RANBP10: variants seen among roughly 807,000 people sequenced by gnomAD.
The protein encoded by RANBP10 is RAN binding protein 10, also known as ran-binding protein 10.
In RANBP10, 24 loss-of-function variants were observed where a neutral mutation model predicts 72.8. The ratio of observed to expected loss-of-function variants is 0.33; its 90% CI spans 0.24 to 0.46. The LOEUF is 0.46. RANBP10 is among the 20% of genes least tolerant of loss of function. RANBP10 has a pLI of 1.00. For missense variants in RANBP10, 679 were observed against 817.5 expected, an observed-to-expected ratio of 0.83 and a Z score of 2.07; for synonymous variants, 310 against 322.3, an observed-to-expected ratio of 0.96 and a Z score of 0.41.
chr16:67,783,595 A>G (rs1196393497), intron 2 of RANBP10, among the ~76,000 whole-genome samples: 1 of 152,174 alleles, frequency 6.6e-6, no homozygotes, highest in African/African-American at 2.4e-5. Context: ...TTATTAGAGG[A>G]GGAAAGGTTA....
At position 67,798,987 on chromosome 16, in the gene RANBP10, G is replaced by A. The variant is rs149401744; in HGVS notation, c.347+6441C>T. Among the ~76,000 whole-genome samples, 719 of 152,236 alleles carry A rather than the reference G, an allele frequency of 4.7e-3. 8 individuals are homozygous for A. The highest frequency in any genetic ancestry group is 5.9e-3 in the Non-Finnish European group (402 of 68,022). Reference sequence around the variant, plus strand: ...GTCACCCAGGCTGGAGAGCAGTGGCGTGATCTCGGCTCACTGCAACCTTCA... The same window carrying A: ...GTCACCCAGGCTGGAGAGCAGTGGCATGATCTCGGCTCACTGCAACCTTCA... On this transcript the variant is annotated intron_variant, in intron 2 of 13. Coordinates refer to ENST00000317506, the MANE Select transcript of RANBP10 (RefSeq NM_020850.3).
chr16:67,792,455 G>C (rs1287354540), intron 2 of RANBP10, among the ~76,000 whole-genome samples: 1 of 151,916 alleles, frequency 6.6e-6, no homozygotes, highest in South Asian at 2.1e-4. Context: ...CCAGCTACTT[G>C]GGAGGCTGAG....
intron 2 of RANBP10, among the ~76,000 whole-genome samples, chr16:67,795,649 C>T (rs990379906): frequency 9.9e-5 from 15 of 151,624 alleles, no homozygotes; most frequent in African/African-American, 3.4e-4. Flanking sequence ...GGGTGGATCA[C>T]GAGGTCAGGA....
chr16:67,765,222 A>T (rs979146196), intron 3 of RANBP10, among the ~76,000 whole-genome samples: 5 of 150,888 alleles, frequency 3.3e-5, no homozygotes, highest in African/African-American at 9.7e-5. Flanking sequence ...AAAAAAAAAA[A>T]AAAAAACATT....
At position 67,727,343 on chromosome 16, in the gene RANBP10, G is replaced by T. The variant is rs2053621805; in HGVS notation, c.1716C>A (p.Leu572=). 1.3e-5 allele frequency: 21 copies of T among 1,612,084 alleles called. No individual in the cohort carries two copies. The highest frequency in any genetic ancestry group is 1.5e-5 in the Non-Finnish European group (18 of 1,179,476). The change falls in exon 13 of 14, where the codon CTC becomes CTA. Residue 572 remains leucine, a synonymous_variant. Transcript: ENST00000317506. ...PIQREPVCAA[L]NSAILESQNL... is the part of the protein sequence containing the mutation. ...TTCACTCACCTAAAATGGCGCTGTT[G>T]AGGGCAGCACACACAGGTTCCCTCT...
intron 2 of RANBP10, among the ~76,000 whole-genome samples, chr16:67,802,789 T>G (rs759824642): frequency 1.3e-5 from 2 of 152,134 alleles, no homozygotes; most frequent in Non-Finnish European, 2.9e-5. Flanking sequence ...CACAGCAAGA[T>G]CGACTAAAAC....
chr16:67,781,557 T>TA lies in RANBP10; in HGVS notation c.348-9472dup, dbSNP rs148802546. Among the ~76,000 whole-genome samples the TA allele has an allele frequency of 4.0e-3, 606 of 152,168 alleles. 7 individuals carry two copies. The highest frequency in any genetic ancestry group is 0.013 in the African/African-American group (555 of 41,520). On this transcript the variant is annotated intron_variant, in intron 2 of 13. Coordinates refer to ENST00000317506, the MANE Select transcript of RANBP10 (RefSeq NM_020850.3). ...CGCTATGACACAGGTGAAAGTAAGG[T>TA]AAAGCCATCTGATTTACTCCTTTCT...
At chr16:67,788,174 G>A (rs969922955) in intron 2 of RANBP10, among the ~76,000 whole-genome samples, 1 of 151,882 alleles carries the variant, frequency 6.6e-6, no homozygotes, top group Non-Finnish European at 1.5e-5. Context: ...CAAGTAGCTG[G>A]AACTTTGATT....
At chr16:67,758,914 C>T (rs1291110988) in intron 3 of RANBP10, among the ~76,000 whole-genome samples, 1 of 152,242 alleles carries the variant, frequency 6.6e-6, no homozygotes, top group Non-Finnish European at 1.5e-5. Context: ...CGGGGTGATA[C>T]AGGTCTCCTG....
At chr16:67,770,505 T>C (rs1207814648) in intron 3 of RANBP10, among the ~76,000 whole-genome samples, 1 of 152,082 alleles carries the variant, frequency 6.6e-6, no homozygotes, top group Non-Finnish European at 1.5e-5. Context: ...TGTAACTCCC[T>C]GTTTGGGGAA....
chr16:67,763,833 T>C (rs1370421241), intron 3 of RANBP10, among the ~76,000 whole-genome samples: 3 of 152,230 alleles, frequency 2.0e-5, no homozygotes, highest in Admixed American at 6.5e-5. Flanking sequence ...TAGCTAGGAC[T>C]GTAGGCGCAC....
At chr16:67,727,476 C>A in intron 12 of RANBP10, 38 bp from the exon 13 acceptor site, 1 of 1,556,308 alleles carries the variant, frequency 6.4e-7, no homozygotes, top group Non-Finnish European at 8.8e-7. Flanking sequence ...CTGTGGCACA[C>A]ACCATAGCTC....
Position 67,727,037 on chromosome 16 carries a change from G to C in RANBP10, c.1732+290C>G, listed in dbSNP as rs540383918. Among the ~76,000 whole-genome samples, 6 of 152,344 alleles carry C rather than the reference G, an allele frequency of 3.9e-5. No homozygotes were observed. The South Asian group carries it at 1.2e-3, about 32-fold the overall frequency. Reference sequence around the variant, plus strand: ...AGGCCAGGCATGGTGGCTCACACCTGTAATCCCAGCACTTTGGGAGGCTAA... The same window carrying C: ...AGGCCAGGCATGGTGGCTCACACCTCTAATCCCAGCACTTTGGGAGGCTAA... On this transcript the variant is annotated intron_variant, in intron 13 of 13. Transcript: ENST00000317506.
Position 67,757,123 on chromosome 16 carries a change from G to A in RANBP10, c.401-12668C>T, listed in dbSNP as rs373196538. Among the ~76,000 whole-genome samples the A allele has an allele frequency of 1.2e-4, 18 of 152,296 alleles. No homozygotes were observed. The South Asian group carries it at 3.5e-3, about 30-fold the overall frequency. ...TTTGGGAGGCTGAGGCAGGAGAATCGCTTGAACCTGGGAGGCAGAGGTTGC... is the reference window on the plus strand; with the variant it reads ...TTTGGGAGGCTGAGGCAGGAGAATCACTTGAACCTGGGAGGCAGAGGTTGC... On this transcript the variant is annotated intron_variant, in intron 3 of 13. Transcript: ENST00000317506.
intron 3 of RANBP10, among the ~76,000 whole-genome samples, chr16:67,750,835 C>T (rs1415683455): frequency 6.9e-6 from 1 of 144,466 alleles, no homozygotes; most frequent in Non-Finnish European, 1.5e-5. Flanking sequence ...GGCGCAATCT[C>T]GGCTCACTGC....
intron 2 of RANBP10, among the ~76,000 whole-genome samples, chr16:67,790,181 G>A (rs944646893): frequency 2.0e-5 from 3 of 151,436 alleles, no homozygotes; most frequent in Non-Finnish European, 4.4e-5. Flanking sequence ...AATGCTATGT[G>A]AAATGGGTCA....
At chr16:67,731,068 C>T (rs1316300706) in intron 7 of RANBP10, 1 of 234,168 alleles carries the variant, frequency 4.3e-6, no homozygotes, top group Non-Finnish European at 8.5e-6. Context: ...TATCTGACCA[C>T]TTCAGTCCCC....
chr16:67,733,034 A>G (rs2053765580), intron 6 of RANBP10, among the ~76,000 whole-genome samples: 1 of 142,484 alleles, frequency 7.0e-6, no homozygotes, highest in Non-Finnish European at 1.5e-5. Context: ...AGCCTGGGCG[A>G]CAAAGCGAGA....
At chr16:67,800,251 C>G (rs975972099) in intron 2 of RANBP10, among the ~76,000 whole-genome samples, 4 of 152,204 alleles carry the variant, frequency 2.6e-5, no homozygotes, top group Non-Finnish European at 5.9e-5. Context: ...GGAAGGCTGG[C>G]TGTGGTCAGA....
Sources: allele counts gnomAD v4.1 joint callset (sites outside exome capture counted in the v4.1 genomes callset), GRCh38; gene constraint gnomAD v4.1.1; transcripts MANE v1.5; gene names NCBI Gene and HGNC (gene_info 2026-07-23, HGNC 2026-07-21).